Variants in SATB2 observed in about 807,000 individuals in gnomAD.
SATB2 encodes the protein DNA-binding protein SATB2.
A neutral mutation model predicts 73.4 loss-of-function variants in SATB2; 1 was observed. The observed-to-expected ratio is 0.01, with a 90% CI of 0.00 to 0.06. The LOEUF is 0.06. Ranked by LOEUF, SATB2 falls within the 10% of genes least tolerant of loss-of-function variation. SATB2 has a pLI of 1.00. For missense variants in SATB2, 459 were observed against 945.8 expected (o/e 0.49, Z 6.75); for synonymous variants, 397 against 367.0 (o/e 1.08, Z -0.93).
intron 3 of SATB2, among the ~76,000 whole-genome samples, chr2:199,431,860 T>A (rs1427003072): frequency 1.3e-5 from 2 of 152,198 alleles, no homozygotes; most frequent in Non-Finnish European, 2.9e-5. Flanking sequence ...GTGCAAGCAG[T>A]GGGATACAAT....
chr2:199,412,131 A>G (rs1369083040), intron 3 of SATB2, among the ~76,000 whole-genome samples: 1 of 152,182 alleles, frequency 6.6e-6, no homozygotes, highest in African/African-American at 2.4e-5. Flanking sequence ...TGATGAATAG[A>G]AAAGCACTGT....
chr2:199,458,199 G>C (rs1385730809), upstream of SATB2: 1 of 211,764 alleles, frequency 4.7e-6, no homozygotes, highest in Non-Finnish European at 9.5e-6. Context: ...AGAGGGGAGT[G>C]GGGGGCGGGG....
chr2:199,282,135 C>A (rs1559140799), intron 10 of SATB2, among the ~76,000 whole-genome samples: 1 of 152,132 alleles, frequency 6.6e-6, no homozygotes, highest in Non-Finnish European at 1.5e-5. Context: ...CCCACCTTGG[C>A]CTCCCAAAGT....
chr2:199,350,398 T>C (rs758236913), intron 6 of SATB2, among the ~76,000 whole-genome samples: 1 of 151,722 alleles, frequency 6.6e-6, no homozygotes, highest in Non-Finnish European at 1.5e-5. Context: ...TGATGTGTGC[T>C]GGACAACTGG....
At chr2:199,356,958 TA>T (rs1314751251) in intron 6 of SATB2, among the ~76,000 whole-genome samples, 4 of 152,172 alleles carry the variant, frequency 2.6e-5, no homozygotes, top group African/African-American at 9.6e-5. Flanking sequence ...CCTACTTTAT[TA>T]AAGAAGCTGA....
chr2:199,333,014 G>A (rs1688232493), intron 7 of SATB2, among the ~76,000 whole-genome samples: 1 of 152,062 alleles, frequency 6.6e-6, no homozygotes, highest in South Asian at 2.1e-4. Context: ...GATTTTAACA[G>A]ATATCTGTTC....
At chr2:199,453,752 T>G (rs933609357) in intron 2 of SATB2, among the ~76,000 whole-genome samples, 3 of 152,000 alleles carry the variant, frequency 2.0e-5, no homozygotes, top group Admixed American at 2.0e-4. Flanking sequence ...TATCAAAATC[T>G]TATCTTCTAA....
At chr2:199,426,707 A>AGAAAAG (rs71019003) in intron 3 of SATB2, among the ~76,000 whole-genome samples, 14 of 127,862 alleles carry the variant, frequency 1.1e-4, no homozygotes, top group South Asian at 2.5e-4. Context: ...AAAAAAAAAA[A>AGAAAAG]AAAAGAAAAG....
intron 3 of SATB2, among the ~76,000 whole-genome samples, chr2:199,399,688 A>G (rs1387688059): frequency 6.6e-6 from 1 of 152,156 alleles, no homozygotes; most frequent in Non-Finnish European, 1.5e-5. Flanking sequence ...GCAAAGGAGG[A>G]GCGAGGCAGC....
At chr2:199,444,171 T>C (rs988325835) in intron 2 of SATB2, among the ~76,000 whole-genome samples, 2 of 151,984 alleles carry the variant, frequency 1.3e-5, no homozygotes, top group African/African-American at 4.8e-5. Context: ...ATAAATATTT[T>C]AAAAATGAAA....
At chr2:199,361,130 C>T (rs969308023) in intron 6 of SATB2, among the ~76,000 whole-genome samples, 1 of 152,126 alleles carries the variant, frequency 6.6e-6, no homozygotes, top group Admixed American at 6.6e-5. Context: ...ATTTATTCTC[C>T]ATCCTGTCCT....
At chr2:199,433,790 C>T (rs1434456672) in intron 2 of SATB2, among the ~76,000 whole-genome samples, 2 of 152,028 alleles carry the variant, frequency 1.3e-5, no homozygotes, top group Admixed American at 1.3e-4. Context: ...TGAAGGTGAC[C>T]ACACAGACAC....
Position 199,281,473 on chromosome 2 carries a change from T to C in SATB2, c.1741-8801A>G, listed in dbSNP as rs533161170. Reference sequence around the variant, plus strand: ...AGATGAGAACACAAACAAGATGATATGAGATATATACACACACACACAATT... The same window carrying C: ...AGATGAGAACACAAACAAGATGATACGAGATATATACACACACACACAATT... On this transcript the variant is annotated intron_variant, in intron 10 of 10. Coordinates refer to ENST00000417098, the MANE Select transcript of SATB2 (RefSeq NM_001172509.2). Among the ~76,000 whole-genome samples, 40 of 42,060 alleles carry C rather than the reference T, an allele frequency of 9.5e-4. 1 individual carries two copies. The South Asian group carries it at 0.045, about 47-fold the overall frequency. The allele number at this position is 42,060 out of a possible 152,430, so 27.6% of individuals were successfully genotyped here.
chr2:199,459,101 G>A (rs1692397681), upstream of SATB2, among the ~76,000 whole-genome samples: 1 of 152,020 alleles, frequency 6.6e-6, no homozygotes, highest in African/African-American at 2.4e-5. The surrounding 1 kb of genome is among the most constrained non-coding windows in gnomAD (Gnocchi z 4.2). Context: ...GGGCCGCCTG[G>A]AGCCCGTGAC....
At chr2:199,338,843 G>A (rs1461113229) in intron 7 of SATB2, among the ~76,000 whole-genome samples, 1 of 151,458 alleles carries the variant, frequency 6.6e-6, no homozygotes, top group African/African-American at 2.4e-5. Context: ...CTTGAACCTA[G>A]GAGGCAGAGG....
intron 7 of SATB2, among the ~76,000 whole-genome samples, chr2:199,338,652 T>C (rs1169049274): frequency 2.0e-5 from 3 of 152,028 alleles, no homozygotes; most frequent in Non-Finnish European, 4.4e-5. Context: ...GAGTGATGGC[T>C]CACGCCTGTA....
chr2:199,284,819 A>G lies in SATB2; in HGVS notation c.1741-12147T>C, dbSNP rs76924544. Reference sequence around the variant, plus strand: ...AAGAATGGTTATATCTGTACCTAACATGTATCAACTATTTTTTGTCATTAT... The same window carrying G: ...AAGAATGGTTATATCTGTACCTAACGTGTATCAACTATTTTTTGTCATTAT... On this transcript the variant is annotated intron_variant, in intron 10 of 10. Transcript: ENST00000417098. Among the ~76,000 whole-genome samples the G allele has an allele frequency of 5.3e-3, 812 of 152,254 alleles. 7 individuals carry two copies. Among genetic ancestry groups the G allele is most frequent in the African/African-American group, 0.018 (758 of 41,578 alleles).
rs537835531 is a variant in SATB2, at chr2:199,396,603, AG to A, written c.347-14784del. The stretch of plus-strand genomic sequence containing the variant: ...GATGTCCTCAGAGAGGAGCCAAGTG[AG>A]GATGGAGGAAATCATAAATGCTGAG... On this transcript the variant is annotated intron_variant, in intron 3 of 10. Coordinates refer to ENST00000417098, the MANE Select transcript of SATB2 (RefSeq NM_001172509.2). 1.1e-4 allele frequency: 16 copies of A among 152,332 alleles called. No homozygotes were observed. The East Asian group carries it at 3.1e-3, about 29-fold the overall frequency. 9.4% of individuals were successfully genotyped at this position (152,332 alleles called of 1,614,324 possible).
chr2:199,323,508 C>CACACACACACATATATAT (rs372830951), intron 9 of SATB2, among the ~76,000 whole-genome samples: 2 of 144,250 alleles, frequency 1.4e-5, no homozygotes, highest in Admixed American at 1.4e-4. Context: ...CACACACACA[C>CACACACACACATATATAT]ATATATAAAG....
Sources: gnomAD v4.1 joint callset for allele counts (sites outside exome capture counted in the v4.1 genomes callset) on GRCh38, gnomAD v4.1.1 for gene constraint, Gnocchi (gnomAD v3.1) non-coding constraint, MANE v1.5 for transcripts, NCBI Gene and HGNC (gene_info 2026-07-23, HGNC 2026-07-21) for gene names.